Variants in ZNF432 observed in about 807,000 individuals in gnomAD.
The protein encoded by ZNF432 is zinc finger protein 432.
ZNF432 carries 10 observed loss-of-function variants against 13.9 expected under a neutral mutation model. The observed-to-expected ratio is 0.72, with a 90% confidence interval of 0.44 to 1.22. The LOEUF (loss-of-function observed/expected upper bound fraction) is 1.22. ZNF432 is among the 50% of genes most tolerant of loss of function. The probability of loss-of-function intolerance (pLI) is 0.00; values close to 1 mark genes in which losing one functional copy is unlikely to be tolerated. For synonymous variants in ZNF432, 247 were observed against 256.2 expected, an observed-to-expected ratio of 0.96 and a Z score of 0.34; for missense variants, 793 against 796.2, an observed-to-expected ratio of 1.00 and a Z score of 0.05.
rs2087136286 is a variant in ZNF432 at position 52,041,511 on chromosome 19, C to T, written c.111G>A (p.Met37Ile). ...PFQKDLYRDV[M>I]LEIYSNLLSM... ...ATAGCAGGTTGCTGTAGATCTCCAA[C>T]ATCACATCCCGGTACAAATCCTTCT... Residue 37 changes from methionine (M) to isoleucine (I), a missense_variant, in exon 3 of 5, where the codon ATG becomes ATA. Coordinates refer to ENST00000221315, the MANE Select transcript of ZNF432 (RefSeq NM_014650.4). The T allele has an allele frequency of 1.9e-6, 3 of 1,609,452 alleles. No homozygotes were observed. The highest frequency in any genetic ancestry group is 2.2e-5 in the East Asian group (1 of 44,750).
Position 52,035,447 on chromosome 19 carries a change from A to C in ZNF432, c.239-7T>G. The C allele has an allele frequency of 6.5e-7, 1 of 1,527,156 alleles. No individual in the cohort carries two copies. Among genetic ancestry groups the C allele is most frequent in the Non-Finnish European group, 8.7e-7 (1 of 1,143,494 alleles). The allele number at this position is 1,527,156 out of a possible 1,614,324, so 94.6% of individuals were successfully genotyped here. On this transcript the variant is annotated splice_region_variant and splice_polypyrimidine_tract_variant and intron_variant, in intron 4 of 4. Transcript: ENST00000221315. ...TCATCAACTTCGTTGTTTTCTAGGA[A>C]AGAAGAGAACAATGAATCCTTTTAT...
At chr19:52,045,951 C>T (rs751122678) in intron 2 of ZNF432, among the ~76,000 whole-genome samples, 23 of 147,270 alleles carry the variant, frequency 1.6e-4, no homozygotes, top group Non-Finnish European at 2.1e-4. Flanking sequence ...GCCAAGATCA[C>T]GCACTGCACT....
chr19:52,043,821 T>A (rs1289546178), intron 2 of ZNF432, among the ~76,000 whole-genome samples: 3 of 152,210 alleles, frequency 2.0e-5, no homozygotes, highest in Admixed American at 1.3e-4. Context: ...ACCTTGTCTA[T>A]GATGCAAAGA....
intron 2 of ZNF432, among the ~76,000 whole-genome samples, chr19:52,042,812 A>G (rs1169366250): frequency 6.6e-6 from 1 of 152,232 alleles, no homozygotes; most frequent in Admixed American, 6.5e-5. Flanking sequence ...GACTGAAACT[A>G]TTGAACATCA....
At chr19:52,039,026 G>A (rs941071273) in intron 4 of ZNF432, among the ~76,000 whole-genome samples, 6 of 152,252 alleles carry the variant, frequency 3.9e-5, no homozygotes, top group Non-Finnish European at 5.9e-5. Context: ...TCAGCCATGT[G>A]GGCTGTATGT....
chr19:52,045,720 T>C (rs902034961), intron 2 of ZNF432, among the ~76,000 whole-genome samples: 2 of 147,966 alleles, frequency 1.4e-5, no homozygotes, highest in Admixed American at 6.7e-5. Context: ...TGAGGCCAGG[T>C]GCAGTGGCTC....
chr19:52,039,110 T>C (rs1314287034), intron 4 of ZNF432, among the ~76,000 whole-genome samples: 2 of 152,248 alleles, frequency 1.3e-5, no homozygotes, highest in African/African-American at 2.4e-5. Flanking sequence ...CTCTGTACTG[T>C]CACACACTGT....
chr19:52,043,489 AT>A (rs1351289489), intron 2 of ZNF432, among the ~76,000 whole-genome samples: 2 of 151,938 alleles, frequency 1.3e-5, no homozygotes, highest in African/African-American at 4.8e-5. Flanking sequence ...TCCCCATGTG[AT>A]AGTCTGAAAT....
At chr19:52,039,123 G>A (rs1031067556) in intron 4 of ZNF432, among the ~76,000 whole-genome samples, 2 of 152,206 alleles carry the variant, frequency 1.3e-5, no homozygotes, top group African/African-American at 4.8e-5. Context: ...CACACTGTGT[G>A]GCTGGGAAGA....
At chr19:52,044,151 G>C (rs779626501) in intron 2 of ZNF432, among the ~76,000 whole-genome samples, 1 of 151,944 alleles carries the variant, frequency 6.6e-6, no homozygotes, top group Admixed American at 6.6e-5. Flanking sequence ...TTAATACACA[G>C]AGAAAAGAAC....
chr19:52,041,232 G>A (rs1351627019), intron 3 of ZNF432, among the ~76,000 whole-genome samples: 1 of 152,152 alleles, frequency 6.6e-6, no homozygotes, highest in Admixed American at 6.5e-5. Context: ...GTGTGTGTAG[G>A]TTATATGCAA....
intron 3 of ZNF432, 67 bp from the exon 4 acceptor site, chr19:52,040,650 G>A (rs1341565423): frequency 7.7e-7 from 1 of 1,302,988 alleles, no homozygotes; most frequent in Admixed American, 1.7e-5. Context: ...GTGAGAGAAT[G>A]TTACATTTAA....
At position 52,041,481 on chromosome 19, in the gene ZNF432, C is replaced by T. The variant is rs200259005; in HGVS notation, c.141G>A (p.Met47Ile). Reference sequence around the variant, plus strand: ...GTGACACAGAGCAGCTGTCCTCACCCATTGATAGCAGGTTGCTGTAGATCT... The same window carrying T: ...GTGACACAGAGCAGCTGTCCTCACCTATTGATAGCAGGTTGCTGTAGATCT... ...MLEIYSNLLSMGYQVSKPDAL... is the reference protein window; with the variant it reads ...MLEIYSNLLSIGYQVSKPDAL... The change falls in exon 3 of 5, where the codon ATG becomes ATA. Residue 47 changes from methionine to isoleucine, a missense_variant and splice_region_variant. Physicochemically the swap from Met to Ile is conservative, Grantham distance 10. Transcript: ENST00000221315. 6.2e-7 allele frequency: 1 copy of T among 1,600,334 alleles called. No homozygotes were observed. The highest frequency in any genetic ancestry group is 8.5e-7 in the Non-Finnish European group (1 of 1,172,788).
At chr19:52,048,237 A>G (rs1190864096) in intron 1 of ZNF432, among the ~76,000 whole-genome samples, 1 of 150,964 alleles carries the variant, frequency 6.6e-6, no homozygotes, top group Non-Finnish European at 1.5e-5. Flanking sequence ...TCTCTAGACA[A>G]AAGACCACCA....
At position 52,034,901 on chromosome 19, in the gene ZNF432, ATT is replaced by A. The variant is rs776779303; in HGVS notation, c.776_777del (p.Lys259IlefsTer6). On this transcript the variant is annotated frameshift_variant, in exon 5 of 5. Coordinates refer to ENST00000221315, the MANE Select transcript of ZNF432 (RefSeq NM_014650.4). LOFTEE classifies it low-confidence loss of function (END_TRUNC). Reference protein sequence around the residue: ...NEHQRIHKREKSFICSECGKV... With the variant: ...NEHQRIHKREXSFICSECGKV... ...TTTCCACATTCACTGCATATAAAAG[ATT>A]TCTCTCTTTTATGAATTCTTTGATG... 8.7e-6 allele frequency: 14 copies of A among 1,613,216 alleles called. No individual in the cohort carries two copies. The East Asian group carries it at 2.5e-4, about 28-fold the overall frequency.
Position 52,046,970 on chromosome 19 carries a change from G to A in ZNF432, c.-102C>T, listed in dbSNP as rs2087190505. The A allele has an allele frequency of 2.4e-6, 3 of 1,238,954 alleles. No homozygotes were observed. The highest frequency in any genetic ancestry group is 3.0e-5 in the African/African-American group (2 of 66,404). The allele number at this position is 1,238,954 out of a possible 1,614,324, so 76.7% of individuals were successfully genotyped here. On this transcript the variant is annotated 5_prime_UTR_variant, in exon 2 of 5. Transcript: ENST00000221315. ...TTTAGAAACTTCAGTCACCAGTGAA[G>A]GGTGTCCACAGAAATCATATCTAGG...
At chr19:52,044,871 C>T (rs2087166881) in intron 2 of ZNF432, among the ~76,000 whole-genome samples, 1 of 152,112 alleles carries the variant, frequency 6.6e-6, no homozygotes, top group Admixed American at 6.5e-5. Context: ...CAATTAATTG[C>T]AGTGATTATT....
rs772742559 is a variant in ZNF432, at chr19:52,035,067, G to T, written c.612C>A (p.Asn204Lys). 17 of 1,613,932 alleles carry T rather than the reference G, an allele frequency of 1.1e-5. No homozygotes were observed. Among genetic ancestry groups the T allele is most frequent in the Middle Eastern group, 1.6e-4 (1 of 6,084 alleles). ...KHQRTHEIEK[N>K]HVCSECGKAF... ...CTTTCCCACATTCACTGCATACGTG[G>T]TTTTTTTCTATTTCATGAGTTCTCT... Residue 204 changes from asparagine (N) to lysine (K), a missense_variant, in exon 5 of 5, where the codon AAC becomes AAA. Asn to Lys is a moderately conservative substitution (Grantham distance 94). Transcript: ENST00000221315.
chr19:52,040,503 T>A lies in ZNF432; in HGVS notation c.223A>T (p.Ser75Cys), dbSNP rs374133065. The stretch of plus-strand genomic sequence containing the variant: ...TCTCACATACCTGGACAGATTCGAC[T>A]GTGCCTTTCATCTTCCATTGTCCAT... ...EPWTMEDERH[S>C]RICPENNEVD... The change falls in exon 4 of 5, where the codon AGT becomes TGT. Residue 75 changes from serine to cysteine, a missense_variant. By Grantham distance (112) the Ser-to-Cys change is moderately radical (BLOSUM62 -1). Transcript: ENST00000221315. 66 of 1,614,052 alleles carry A rather than the reference T, an allele frequency of 4.1e-5. No homozygotes were observed. The highest frequency in any genetic ancestry group is 1.2e-4 in the Admixed American group (7 of 60,014).
Sources: gnomAD v4.1 joint callset for allele counts (sites outside exome capture counted in the v4.1 genomes callset) on GRCh38, gnomAD v4.1.1 for gene constraint, MANE v1.5 for transcripts, NCBI Gene and HGNC (gene_info 2026-07-23, HGNC 2026-07-21) for gene names.